ZFHX3: variants seen among roughly 807,000 people sequenced by gnomAD.
ZFHX3 encodes the protein zinc finger homeobox protein 3.
ZFHX3 carries 42 observed loss-of-function variants against 279.1 expected under a neutral mutation model. The ratio of observed to expected loss-of-function variants is 0.15; its 90% confidence interval spans 0.12 to 0.19. ZFHX3 has a LOEUF of 0.19. Among genes scored for constraint, ZFHX3 ranks in the 10% least tolerant of loss-of-function variants. The pLI is 1.00. For missense variants in ZFHX3, 4,981 were observed against 4,754.0 expected, an observed-to-expected ratio of 1.05 and a Z score of -1.40; for synonymous variants, 2,293 against 1,957.8, an observed-to-expected ratio of 1.17 and a Z score of -4.52.
At chr16:73,875,303 A>T (rs2029912961) in intron 1 of ZFHX3, among the ~76,000 whole-genome samples, 1 of 152,178 alleles carries the variant, frequency 6.6e-6, no homozygotes, top group Non-Finnish European at 1.5e-5. Context: ...GATTTCCCAT[A>T]GTGTATGGAA....
intron 3 of ZFHX3, among the ~76,000 whole-genome samples, chr16:72,896,891 CACAA>C (rs1482013298): frequency 1.3e-5 from 2 of 152,212 alleles, no homozygotes; most frequent in Non-Finnish European, 2.9e-5. Flanking sequence ...ATGCACAATT[CACAA>C]ACAAAGCTTC....
chr16:73,248,692 A>C (rs556081323), intron 5 of ZFHX3, among the ~76,000 whole-genome samples: 13 of 150,676 alleles, frequency 8.6e-5, no homozygotes, highest in African/African-American at 2.9e-4. Context: ...TTGTGGCTCA[A>C]TGGAGGCTAT....
intron 1 of ZFHX3, among the ~76,000 whole-genome samples, chr16:73,809,970 C>T (rs1439918789): frequency 6.6e-6 from 1 of 152,144 alleles, no homozygotes; most frequent in Admixed American, 6.5e-5. Context: ...CATTTTCTTG[C>T]ACTCCACACA....
At position 72,863,607 on chromosome 16, in the gene ZFHX3, A is replaced by C. The variant is rs1276784224; in HGVS notation, c.3448+26124T>G. ...AAGATTTGTTTGAAAATAATTGAGTAAACGGAAGCAGGGAGTGAGGGGTAG... is the reference window on the plus strand; with the variant it reads ...AAGATTTGTTTGAAAATAATTGAGTCAACGGAAGCAGGGAGTGAGGGGTAG... On this transcript the variant is annotated intron_variant, in intron 4 of 9. Transcript: ENST00000268489. Among the ~76,000 whole-genome samples, 4 of 152,274 alleles carry C rather than the reference A, an allele frequency of 2.6e-5. No individual in the cohort carries two copies. In the East Asian group the frequency reaches 7.7e-4, roughly 29 times the overall value.
upstream of ZFHX3, among the ~76,000 whole-genome samples, chr16:73,064,057 C>T (rs739414): frequency 0.75 from 114,203 of 151,936 alleles, 43,164 homozygotes; most frequent in South Asian, 0.89. Flanking sequence ...TCCAACTCCA[C>T]GAGGATGGCA....
chr16:73,290,788 T>C (rs894392815), intron 4 of ZFHX3, among the ~76,000 whole-genome samples: 18 of 152,322 alleles, frequency 1.2e-4, no homozygotes, highest in Admixed American at 7.2e-4. Context: ...TCAGGCTATT[T>C]CTCAAGTTCC....
chr16:72,919,122 A>C (rs2039518959), intron 3 of ZFHX3, among the ~76,000 whole-genome samples: 1 of 151,498 alleles, frequency 6.6e-6, no homozygotes, highest in African/African-American at 2.4e-5. Flanking sequence ...GGCTCACAGG[A>C]TCAGTCTCTC....
At chr16:73,568,227 A>G (rs140121680) in intron 2 of ZFHX3, among the ~76,000 whole-genome samples, 2 of 150,464 alleles carry the variant, frequency 1.3e-5, no homozygotes, top group East Asian at 1.9e-4. Flanking sequence ...AGCAACTATT[A>G]AAAACACAAG....
intron 4 of ZFHX3, among the ~76,000 whole-genome samples, chr16:72,852,029 G>C (rs2037632441): frequency 6.6e-6 from 1 of 152,136 alleles, no homozygotes; most frequent in Non-Finnish European, 1.5e-5. Flanking sequence ...GGGATTGCAA[G>C]GCAGGCTATT....
chr16:73,210,891 A>G (rs2011990236), intron 5 of ZFHX3, among the ~76,000 whole-genome samples: 1 of 152,106 alleles, frequency 6.6e-6, no homozygotes, highest in Admixed American at 6.5e-5. Flanking sequence ...GGTGGGATGC[A>G]CAGATAGCAA....
intron 2 of ZFHX3, among the ~76,000 whole-genome samples, chr16:73,603,551 G>C (rs2143866796): frequency 6.6e-6 from 1 of 152,068 alleles, no homozygotes; most frequent in African/African-American, 2.4e-5. Context: ...AACTTTCTAA[G>C]TACCTGAAAA....
intron 1 of ZFHX3, among the ~76,000 whole-genome samples, chr16:73,708,161 A>G (rs1340886956): frequency 6.6e-6 from 1 of 152,202 alleles, no homozygotes; most frequent in Non-Finnish European, 1.5e-5. Flanking sequence ...ACAACCCTTG[A>G]GTGACCATAT....
intron 3 of ZFHX3, among the ~76,000 whole-genome samples, chr16:73,353,779 A>G (rs1008501770): frequency 3.3e-5 from 5 of 152,200 alleles, no homozygotes; most frequent in Non-Finnish European, 7.3e-5. Context: ...GAAGAAAGAC[A>G]TTTGGCATAA....
intron 3 of ZFHX3, among the ~76,000 whole-genome samples, chr16:72,893,508 G>T (rs144093099): frequency 6.6e-6 from 1 of 152,140 alleles, no homozygotes; most frequent in Admixed American, 6.5e-5. Context: ...ATAAACCCTG[G>T]ATTGAAATAA....
intron 3 of ZFHX3, among the ~76,000 whole-genome samples, chr16:73,322,874 A>C (rs2015605497): frequency 1.3e-5 from 2 of 152,240 alleles, no homozygotes; most frequent in South Asian, 4.1e-4. Flanking sequence ...GACGGTCAGC[A>C]AACTGCAGCC....
intron 7 of ZFHX3, among the ~76,000 whole-genome samples, chr16:73,116,309 T>A (rs56089607): frequency 0.14 from 21,520 of 151,972 alleles, 1,556 homozygotes; most frequent in South Asian, 0.25. Context: ...ACTACCTCAT[T>A]AATGGGGATT....
intron 3 of ZFHX3, among the ~76,000 whole-genome samples, chr16:72,936,897 G>A (rs1597393338): frequency 1.3e-5 from 2 of 152,256 alleles, no homozygotes; most frequent in South Asian, 2.1e-4. Flanking sequence ...ACAGAGAGAC[G>A]ATGGGGGCTG....
chr16:73,181,807 T>C (rs577046210), intron 5 of ZFHX3, among the ~76,000 whole-genome samples: 17 of 152,272 alleles, frequency 1.1e-4, no homozygotes, highest in Admixed American at 5.9e-4. Flanking sequence ...TTCTGTGAAC[T>C]ATGTAAAGGC....
At chr16:72,977,982 A>C (rs1962425783) in intron 1 of ZFHX3, among the ~76,000 whole-genome samples, 1 of 151,978 alleles carries the variant, frequency 6.6e-6, no homozygotes, top group East Asian at 1.9e-4. Flanking sequence ...CTCCTGCCTC[A>C]GCCTCCTGAG....
Sources: gnomAD v4.1 joint callset for allele counts (sites outside exome capture counted in the v4.1 genomes callset) on GRCh38, gnomAD v4.1.1 for gene constraint, MANE v1.5 for transcripts, NCBI Gene and HGNC (gene_info 2026-07-23, HGNC 2026-07-21) for gene names.